The following ATL3 variants were observed in gnomAD, a reference collection of about 807,000 sequenced individuals.
ATL3 encodes the protein atlastin GTPase 3.
ATL3 carries 49 observed loss-of-function variants against 69.5 expected under a neutral mutation model. That is an observed-to-expected ratio of 0.71 (90% CI 0.56 to 0.89). The LOEUF (loss-of-function observed/expected upper bound fraction) is 0.89, where lower values mean the gene tolerates loss of function less well. Ranked by LOEUF, ATL3 falls within the 40% of genes least tolerant of loss-of-function variation. The pLI, the probability that ATL3 is intolerant of heterozygous loss-of-function variation, is 0.00. For missense variants in ATL3, 606 were observed against 645.7 expected, an observed-to-expected ratio of 0.94 and a Z score of 0.67; for synonymous variants, 214 against 224.1, an observed-to-expected ratio of 0.95 and a Z score of 0.40.
At position 63,626,998 on chromosome 11, in the gene ATL3, T is replaced by A. The variant is rs1939134259; in HGVS notation, c.*2321A>T. 6.6e-6 allele frequency: 1 copy of A among 152,146 alleles called. No homozygotes were observed. The highest frequency in any genetic ancestry group is 6.5e-5 in the Admixed American group (1 of 15,270). 9.4% of individuals were successfully genotyped at this position (152,146 alleles called of 1,614,324 possible). ...CTGGATAATTAAACCAAGGTCTCTT[T>A]ATAAGACCAAAACAGAAATGGTGAA... On this transcript the variant is annotated 3_prime_UTR_variant, in exon 13 of 13. Transcript: ENST00000398868.
Position 63,629,081 on chromosome 11 carries a change from A to T in ATL3, c.*238T>A, listed in dbSNP as rs187640521. The T allele has an allele frequency of 2.0e-6, 1 of 497,554 alleles. No homozygotes were observed. The highest frequency in any genetic ancestry group is 3.3e-5 in the Admixed American group (1 of 30,682). 30.8% of individuals were successfully genotyped at this position (497,554 alleles called of 1,614,324 possible). A position where few individuals can be genotyped will look rare whatever the true frequency, so the allele number is the denominator to read the frequency against. ...GCACAAAGCAGAGTAATATGAAAAT[A>T]GACACAGGCTTGCATCTATAACAGC... On this transcript the variant is annotated 3_prime_UTR_variant, in exon 13 of 13. Coordinates refer to ENST00000398868, the MANE Select transcript of ATL3 (RefSeq NM_015459.5).
At chr11:63,671,386 G>T, upstream of ATL3, 1 of 1,541,790 alleles carries the variant, frequency 6.5e-7, no homozygotes, top group East Asian at 2.6e-5. Flanking sequence ...GGAGAGGGAC[G>T]GGTGCGGGCG....
chr11:63,671,555 A>T (rs1940784912), upstream of ATL3: 2 of 1,428,034 alleles, frequency 1.4e-6, no homozygotes, highest in Middle Eastern at 2.4e-4. Context: ...GGACGAGGCT[A>T]GGCGAGGCGG....
At chr11:63,671,237 G>A (rs928537162) in intron 1 of ATL3, 53 bp downstream of exon 1, 3 of 1,537,688 alleles carry the variant, frequency 2.0e-6, no homozygotes, top group Non-Finnish European at 1.7e-6. Context: ...AACTACAGCA[G>A]GGAAGGCGGC....
rs1939029990 is a variant in ATL3, at chr11:63,624,236, CAG to C, written c.*5081_*5082del. 6.6e-6 allele frequency: 1 copy of C among 152,154 alleles called. No individual in the cohort carries two copies. Among genetic ancestry groups the C allele is most frequent in the Non-Finnish European group, 1.5e-5 (1 of 68,024 alleles). 9.4% of individuals were successfully genotyped at this position (152,154 alleles called of 1,614,324 possible). A position where few individuals can be genotyped will look rare whatever the true frequency, so the allele number is the denominator to read the frequency against. ...AAGCCACTCAAAGGCAAGGGTCTAG[CAG>C]ACAGTACTTTTAACAAATCATTTTT... On this transcript the variant is annotated 3_prime_UTR_variant, in exon 13 of 13. Transcript: ENST00000398868.
intron 1 of ATL3, 136 bp from the exon 2 acceptor site, chr11:63,659,388 A>C (rs1940357056): frequency 2.9e-6 from 2 of 682,880 alleles, no homozygotes; most frequent in Non-Finnish European, 4.9e-6. Flanking sequence ...GCACTTTGGG[A>C]AACCAAAGCA....
intron 6 of ATL3, 95 bp downstream of exon 6, chr11:63,646,412 A>T (rs2134495775): frequency 1.5e-6 from 1 of 680,808 alleles, no homozygotes; most frequent in South Asian, 1.8e-5. Context: ...ATATAAAAAC[A>T]GGTGGCAAGC....
intron 5 of ATL3, 26 bp from the exon 6 acceptor site, chr11:63,646,589 G>A (rs201967205): frequency 6.5e-7 from 1 of 1,540,762 alleles, no homozygotes. Context: ...ATTATGGTTT[G>A]TAAAGCAAAA....
At chr11:63,669,593 T>C (rs1940709382) in intron 1 of ATL3, among the ~76,000 whole-genome samples, 1 of 152,116 alleles carries the variant, frequency 6.6e-6, no homozygotes, top group Admixed American at 6.6e-5. Flanking sequence ...ACACCACATC[T>C]ATCCCGTTAC....
At chr11:63,637,254 C>A (rs1939550203) in intron 8 of ATL3, among the ~76,000 whole-genome samples, 2 of 146,892 alleles carry the variant, frequency 1.4e-5, no homozygotes, top group South Asian at 4.3e-4. Flanking sequence ...CCAGCCTGGG[C>A]AACAGAGTGA....
chr11:63,632,654 G>C, intron 11 of ATL3: 1 of 1,062,814 alleles, frequency 9.4e-7, no homozygotes, highest in South Asian at 1.3e-5. Flanking sequence ...CTTCTTTTAA[G>C]ATTCGGCCTC....
At chr11:63,653,771 T>C (rs558768) in intron 3 of ATL3, among the ~76,000 whole-genome samples, 148,587 of 152,308 alleles carry the variant, frequency 0.98, 72,597 homozygotes, top group East Asian at 1. Context: ...TCTAACTATA[T>C]GACATTCTGG....
At position 63,648,006 on chromosome 11, in the gene ATL3, G is replaced by A. The variant is rs528961316; in HGVS notation, c.562-1443C>T. ...CAGGAGGAGGTGTAGGAGTCCAGCT[G>A]ACAACTAGGAAATATGTGAGTCTTA... is the stretch of plus-strand genomic sequence containing the variant. On this transcript the variant is annotated intron_variant, in intron 5 of 12. Coordinates refer to ENST00000398868, the MANE Select transcript of ATL3 (RefSeq NM_015459.5). 2.0e-4 allele frequency among the ~76,000 whole-genome samples: 30 copies of A among 152,280 alleles called. No homozygotes were observed. The South Asian group carries it at 5.8e-3, about 29-fold the overall frequency.
In ATL3 at chr11:63,624,942, T is replaced by C. The variant is rs933372240; in HGVS notation, c.*4377A>G. 1.3e-5 allele frequency: 2 copies of C among 152,120 alleles called. No homozygotes were observed. Among genetic ancestry groups the C allele is most frequent in the Non-Finnish European group, 2.9e-5 (2 of 68,022 alleles). 9.4% of individuals were successfully genotyped at this position (152,120 alleles called of 1,614,324 possible). A position where few individuals can be genotyped will look rare whatever the true frequency, so the allele number is the denominator to read the frequency against. ...GATGAAGCAGTCTCTCTCTGTGGTCTCTGAACCACTATTTATAAAAGTGAT... is the reference window on the plus strand; with the variant it reads ...GATGAAGCAGTCTCTCTCTGTGGTCCCTGAACCACTATTTATAAAAGTGAT... On this transcript the variant is annotated 3_prime_UTR_variant, in exon 13 of 13. Transcript: ENST00000398868.
rs757867402 is a variant in ATL3 at position 63,651,989 on chromosome 11, A to G, written c.511-3T>C. 2 of 1,602,854 alleles carry G rather than the reference A, an allele frequency of 1.2e-6. No individual in the cohort carries two copies. Among genetic ancestry groups the G allele is most frequent in the Non-Finnish European group, 1.7e-6 (2 of 1,176,772 alleles). On this transcript the variant is annotated splice_polypyrimidine_tract_variant and splice_region_variant and intron_variant, in intron 4 of 12. Coordinates refer to ENST00000398868, the MANE Select transcript of ATL3 (RefSeq NM_015459.5). ...ATGTTCTGAGATAAATTATAAATCTAGAAAACAAAAATCCAGATTGATACT... is the reference window on the plus strand; with the variant it reads ...ATGTTCTGAGATAAATTATAAATCTGGAAAACAAAAATCCAGATTGATACT...
chr11:63,655,779 T>A (rs976176073), intron 3 of ATL3, among the ~76,000 whole-genome samples: 4 of 151,814 alleles, frequency 2.6e-5, no homozygotes, highest in African/African-American at 4.8e-5. Flanking sequence ...TGGAACAACT[T>A]CAAGCAGCAA....
chr11:63,660,075 A>AC (rs1940376006), intron 1 of ATL3, among the ~76,000 whole-genome samples: 1 of 151,250 alleles, frequency 6.6e-6, no homozygotes, highest in Non-Finnish European at 1.5e-5. Context: ...AAAAAAAAAG[A>AC]CCCTGTCTCA....
chr11:63,654,964 A>T (rs2134513756), intron 3 of ATL3, among the ~76,000 whole-genome samples: 1 of 148,874 alleles, frequency 6.7e-6, no homozygotes, highest in East Asian at 2.0e-4. Context: ...GTTTTGATTG[A>T]TTTTTCTCCT....
chr11:63,643,196 G>C (rs552006106), intron 8 of ATL3, among the ~76,000 whole-genome samples, 161 bp downstream of exon 8: 1 of 152,226 alleles, frequency 6.6e-6, no homozygotes, highest in South Asian at 2.1e-4. Context: ...TAATTCTGAT[G>C]GTCTCAGTAA....
Sources: gnomAD v4.1 joint callset for allele counts (sites outside exome capture counted in the v4.1 genomes callset) on GRCh38, gnomAD v4.1.1 for gene constraint, MANE v1.5 for transcripts, NCBI Gene and HGNC (gene_info 2026-07-23, HGNC 2026-07-21) for gene names.